Variants in ABCE1 observed in about 807,000 individuals in gnomAD.
ABCE1 encodes ATP binding cassette subfamily E member 1, also known as ATP-binding cassette sub-family E member 1.
ABCE1 carries 22 observed loss-of-function variants against 83.4 expected under a neutral mutation model. The observed-to-expected ratio is 0.26, with a 90% CI of 0.19 to 0.38. The LOEUF (loss-of-function observed/expected upper bound fraction) is 0.38, where lower values mean the gene tolerates loss of function less well. Among genes scored for constraint, ABCE1 ranks in the 10% least tolerant of loss-of-function variants. The pLI, the probability that ABCE1 is intolerant of heterozygous loss-of-function variation, is 1.00. For missense variants in ABCE1, 330 were observed against 721.9 expected, an observed-to-expected ratio of 0.46 and a Z score of 6.22; for synonymous variants, 204 against 233.7, an observed-to-expected ratio of 0.87 and a Z score of 1.16.
Position 145,109,177 on chromosome 4 carries a change from T to G in ABCE1, c.333T>G (p.Thr111=). Residue 111 remains threonine (T), a synonymous_variant, in exon 5 of 18, where the codon ACT becomes ACG. Transcript: ENST00000296577. ...GTGAAGTTTTGGGATTAGTTGGAAC[T>G]AATGGTATTGGAAAGTCAACTGCTT... The part of the protein sequence containing the change: ...RPGEVLGLVG[T]NGIGKSTALK... 3 of 1,613,280 alleles carry G rather than the reference T, an allele frequency of 1.9e-6. No homozygotes were observed. In the South Asian group the frequency reaches 3.3e-5, roughly 18 times the overall value.
chr4:145,121,091 C>G (rs1004797629), intron 11 of ABCE1, 83 bp from the exon 12 acceptor site: 14 of 1,364,934 alleles, frequency 1.0e-5, no homozygotes, highest in Non-Finnish European at 1.4e-5. Flanking sequence ...ACAAATTTCT[C>G]AGTTAAAACC....
chr4:145,112,353 T>C (rs1194514572), intron 9 of ABCE1, 25 bp downstream of exon 9: 2 of 1,434,942 alleles, frequency 1.4e-6, no homozygotes, highest in East Asian at 2.3e-5. Context: ...GGCATATTAC[T>C]GTGTTGTTTT....
At position 145,123,196 on chromosome 4, in the gene ABCE1, G is replaced by A; in HGVS notation, c.1375-19G>A. The A allele has an allele frequency of 1.3e-6, 2 of 1,595,522 alleles. No homozygotes were observed. Among genetic ancestry groups the A allele is most frequent in the African/African-American group, 1.4e-5 (1 of 73,652 alleles). On this transcript the variant is annotated intron_variant, in intron 14 of 17. Coordinates refer to ENST00000296577, the MANE Select transcript of ABCE1 (RefSeq NM_002940.3). ...AATTTTGGATGCCTTTACATGGTTT[G>A]CTAAACTCCTCCAATTAGGTGCAGA... is the stretch of plus-strand genomic sequence containing the variant.
chr4:145,121,492 T>G, intron 13 of ABCE1, 101 bp downstream of exon 13: 1 of 822,462 alleles, frequency 1.2e-6, no homozygotes. Flanking sequence ...AATTAGATTC[T>G]ATACAGTTTT....
chr4:145,112,351 A>G (rs1273238640), intron 9 of ABCE1, 23 bp downstream of exon 9: 1 of 1,453,916 alleles, frequency 6.9e-7, no homozygotes, highest in East Asian at 2.3e-5. Context: ...CTGGCATATT[A>G]CTGTGTTGTT....
At chr4:145,112,174 AGTAT>A in intron 8 of ABCE1, 61 bp from the exon 9 acceptor site, 1 of 1,157,980 alleles carries the variant, frequency 8.6e-7, no homozygotes, top group East Asian at 2.5e-5. Context: ...GCTTTAAAAT[AGTAT>A]GTAAGGTAGA....
At chr4:145,117,846 T>A (rs1199587151) in intron 10 of ABCE1, among the ~76,000 whole-genome samples, 1 of 151,866 alleles carries the variant, frequency 6.6e-6, no homozygotes, top group African/African-American at 2.4e-5. Flanking sequence ...GAACTAAGGC[T>A]ATCTAAAAAC....
At chr4:145,115,196 T>C (rs1315729424) in intron 9 of ABCE1, among the ~76,000 whole-genome samples, 2 of 151,990 alleles carry the variant, frequency 1.3e-5, no homozygotes, top group South Asian at 4.1e-4. Flanking sequence ...ATCATGTTTA[T>C]ATTTTGGACT....
At chr4:145,121,493 A>G in intron 13 of ABCE1, 102 bp downstream of exon 13, 10 of 822,718 alleles carry the variant, frequency 1.2e-5, no homozygotes, top group Non-Finnish European at 1.9e-5. Flanking sequence ...ATTAGATTCT[A>G]TACAGTTTTA....
chr4:145,116,787 G>T (rs1749618032), intron 9 of ABCE1, among the ~76,000 whole-genome samples: 1 of 151,808 alleles, frequency 6.6e-6, no homozygotes, highest in South Asian at 2.1e-4. Context: ...TTTATTATCT[G>T]TGGAGCATAT....
At chr4:145,122,442 T>G (rs1749770496) in intron 13 of ABCE1, 1 of 152,216 alleles carries the variant, frequency 6.6e-6, no homozygotes, top group South Asian at 2.1e-4. Flanking sequence ...CTTAAATGAT[T>G]TTTCCTCTGA....
At chr4:145,105,117 T>C (rs1749261933) in intron 2 of ABCE1, among the ~76,000 whole-genome samples, 1 of 152,096 alleles carries the variant, frequency 6.6e-6, no homozygotes, top group Non-Finnish European at 1.5e-5. Context: ...TCTCCTTTGC[T>C]ATTCAGAAAT....
chr4:145,115,776 A>C (rs1033971206), intron 9 of ABCE1, among the ~76,000 whole-genome samples: 19 of 151,964 alleles, frequency 1.3e-4, no homozygotes, highest in African/African-American at 4.6e-4. Flanking sequence ...TTCAGAACCT[A>C]CTACTATCTT....
At position 145,123,552 on chromosome 4, in the gene ABCE1, G is replaced by A. The variant is rs763181261; in HGVS notation, c.1592G>A (p.Arg531His). 5.0e-6 allele frequency: 8 copies of A among 1,606,482 alleles called. No individual in the cohort carries two copies. Among genetic ancestry groups the A allele is most frequent in the Non-Finnish European group, 5.1e-6 (6 of 1,173,648 alleles). ...ATCATGGCCACCTATCTAGCGGATCGCGTCATCGTTTTTGATGGTGTTCCA... is the reference window on the plus strand; with the variant it reads ...ATCATGGCCACCTATCTAGCGGATCACGTCATCGTTTTTGATGGTGTTCCA... ...DFIMATYLAD[R>H]VIVFDGVPSK... is the part of the protein sequence containing the mutation. The change falls in exon 16 of 18, where the codon CGC (arginine) becomes CAC (histidine). Residue 531 changes from arginine (R) to histidine (H), a missense_variant. By Grantham distance (29) the Arg-to-His change is conservative. Coordinates refer to ENST00000296577, the MANE Select transcript of ABCE1 (RefSeq NM_002940.3).
intron 1 of ABCE1, among the ~76,000 whole-genome samples, chr4:145,103,956 T>C (rs554376099): frequency 2.2e-4 from 33 of 152,090 alleles, no homozygotes; most frequent in Admixed American, 5.9e-4. Flanking sequence ...TCTCATGAGA[T>C]TGAATTAAAT....
rs1221422839 is a variant in ABCE1 at position 145,118,807 on chromosome 4, T to G, written c.923-1125T>G. Among the ~76,000 whole-genome samples, 4 of 151,980 alleles carry G rather than the reference T, an allele frequency of 2.6e-5. No individual in the cohort carries two copies. The South Asian group carries it at 8.3e-4, about 31-fold the overall frequency. On this transcript the variant is annotated intron_variant, in intron 10 of 17. Transcript: ENST00000296577. ...GCATACTTAAAAGCTTTCTATAAAC[T>G]GTAAAGGTGATTATGGTTTGAACTC... is the stretch of plus-strand genomic sequence containing the variant.
intron 16 of ABCE1, among the ~76,000 whole-genome samples, chr4:145,124,762 A>T (rs1280887374): frequency 6.7e-6 from 1 of 150,166 alleles, no homozygotes; most frequent in Non-Finnish European, 1.5e-5. Flanking sequence ...TCCAGGTTAA[A>T]TTTTTTTTTT....
chr4:145,110,666 C>T (rs1055561540), intron 7 of ABCE1, among the ~76,000 whole-genome samples: 4 of 151,816 alleles, frequency 2.6e-5, no homozygotes, highest in Admixed American at 1.3e-4. Flanking sequence ...TAGTAGAGAC[C>T]GGGTTTCTCC....
At chr4:145,122,501 G>A (rs927118408) in intron 13 of ABCE1, 1 of 151,962 alleles carries the variant, frequency 6.6e-6, no homozygotes. Flanking sequence ...TTATTGCAGG[G>A]GCTGTGGAGT....
Sources: gnomAD v4.1 joint callset for allele counts (sites outside exome capture counted in the v4.1 genomes callset) on GRCh38, gnomAD v4.1.1 for gene constraint, MANE v1.5 for transcripts, NCBI Gene and HGNC (gene_info 2026-07-23, HGNC 2026-07-21) for gene names.